AGO3: variants seen among roughly 807,000 people sequenced by gnomAD.
AGO3 encodes protein argonaute-3.
In AGO3, 16 loss-of-function variants were observed where a neutral mutation model predicts 105.5. The ratio of observed to expected loss-of-function variants is 0.15; its 90% CI spans 0.10 to 0.23. The LOEUF is 0.23. Ranked by LOEUF, AGO3 falls within the 10% of genes least tolerant of loss-of-function variation. The pLI, the probability that AGO3 is intolerant of heterozygous loss-of-function variation, is 1.00. For missense variants in AGO3, 534 were observed against 1,088.0 expected (o/e 0.49, Z 7.16); for synonymous variants, 340 against 367.3 (o/e 0.93, Z 0.85).
chr1:35,930,908 C>CCGGCA (rs1033451675), upstream of AGO3: 31 of 260,440 alleles, frequency 1.2e-4, no homozygotes, highest in African/African-American at 6.8e-4. Flanking sequence ...TTGTCTCCGG[C>CCGGCA]CGGCACGGCC....
chr1:35,978,499 A>G lies in AGO3; in HGVS notation c.658+4988A>G, dbSNP rs985293652. Among the ~76,000 whole-genome samples, 3 of 152,042 alleles carry G rather than the reference A, an allele frequency of 2.0e-5. 1 individual carries two copies. Among genetic ancestry groups the G allele is most frequent in the Middle Eastern group, 6.8e-3 (2 of 294 alleles). On this transcript the variant is annotated intron_variant, in intron 5 of 18. Transcript: ENST00000373191. ...GAGCCACCGCATCTGGCCTGAAAAC[A>G]ATTTTTTTTTTTATTAACGTTAAAC...
At chr1:36,019,198 C>T (rs1393285245) in intron 11 of AGO3, among the ~76,000 whole-genome samples, 1 of 152,112 alleles carries the variant, frequency 6.6e-6, no homozygotes, top group East Asian at 1.9e-4. Flanking sequence ...TACACTTTGG[C>T]ATAATACATT....
intron 17 of AGO3, among the ~76,000 whole-genome samples, chr1:36,051,680 A>G (rs1642721428): frequency 6.6e-6 from 1 of 152,174 alleles, no homozygotes; most frequent in Non-Finnish European, 1.5e-5. Context: ...GGGCAACAGA[A>G]CAAGACTCTG....
chr1:36,001,113 G>C (rs1640063590), intron 5 of AGO3, among the ~76,000 whole-genome samples: 1 of 152,114 alleles, frequency 6.6e-6, no homozygotes, highest in Non-Finnish European at 1.5e-5. Context: ...GCACGTGCCT[G>C]TAATTCCAGC....
At chr1:35,947,728 T>C (rs67641270) in intron 2 of AGO3, among the ~76,000 whole-genome samples, 36,041 of 152,074 alleles carry the variant, frequency 0.24, 7,050 homozygotes, top group East Asian at 0.7. Context: ...GTTTTGGTCT[T>C]CCTTCACTCT....
intron 11 of AGO3, 152 bp downstream of exon 11, chr1:36,014,200 C>T (rs372911735): frequency 9.5e-7 from 1 of 1,054,938 alleles, no homozygotes; most frequent in South Asian, 1.6e-5. Context: ...ACTCTGTCAC[C>T]CAGGCTGAAG....
At chr1:35,990,719 TA>T (rs1026854548) in intron 5 of AGO3, among the ~76,000 whole-genome samples, 1 of 152,184 alleles carries the variant, frequency 6.6e-6, no homozygotes, top group Non-Finnish European at 1.5e-5. Context: ...TTCTAGTAAA[TA>T]AAAAATTCTA....
intron 1 of AGO3, among the ~76,000 whole-genome samples, chr1:35,944,316 C>T (rs866097725): frequency 6.6e-6 from 1 of 151,830 alleles, no homozygotes; most frequent in African/African-American, 2.4e-5. Context: ...TCCTGAGTGT[C>T]TGGGATTACA....
At chr1:35,989,345 A>C (rs1346429898) in intron 5 of AGO3, among the ~76,000 whole-genome samples, 1 of 152,222 alleles carries the variant, frequency 6.6e-6, no homozygotes, top group Non-Finnish European at 1.5e-5. Flanking sequence ...TACCAATCTA[A>C]GACTCAAAAT....
intron 5 of AGO3, among the ~76,000 whole-genome samples, chr1:35,985,143 C>T (rs1454312610): frequency 1.3e-5 from 2 of 151,872 alleles, no homozygotes; most frequent in African/African-American, 2.4e-5. Context: ...ATTAGCCAGG[C>T]GTAGAGGTGT....
At chr1:35,958,632 A>T (rs185947797) in intron 2 of AGO3, among the ~76,000 whole-genome samples, 2 of 151,420 alleles carry the variant, frequency 1.3e-5, no homozygotes, top group Non-Finnish European at 2.9e-5. Flanking sequence ...CAGCCTGGGC[A>T]TCAGAGCCAG....
intron 5 of AGO3, among the ~76,000 whole-genome samples, chr1:36,002,261 A>G (rs907154534): frequency 6.6e-6 from 1 of 150,646 alleles, no homozygotes; most frequent in Non-Finnish European, 1.5e-5. Flanking sequence ...CAAGTGATCA[A>G]TGCACCTTGG....
rs1047493898 is a variant in AGO3, at chr1:36,049,207, G to A, written c.2274+5659G>A. Among the ~76,000 whole-genome samples the A allele has an allele frequency of 2.0e-5, 3 of 152,206 alleles. No homozygotes were observed. The East Asian group carries it at 5.8e-4, about 29-fold the overall frequency. Reference sequence around the variant, plus strand: ...ACACTGTGGACTACTAGAGAGGAGGGCAGGGGGGATGGGTTGAAAAATTCT... The same window carrying A: ...ACACTGTGGACTACTAGAGAGGAGGACAGGGGGGATGGGTTGAAAAATTCT... On this transcript the variant is annotated intron_variant, in intron 17 of 18. Coordinates refer to ENST00000373191, the MANE Select transcript of AGO3 (RefSeq NM_024852.4).
chr1:35,971,441 G>A (rs1324021529), intron 3 of AGO3, among the ~76,000 whole-genome samples: 1 of 151,414 alleles, frequency 6.6e-6, no homozygotes, highest in Non-Finnish European at 1.5e-5. Flanking sequence ...TTACATGCAT[G>A]AGCCACTGCG....
At chr1:35,968,434 A>G (rs1366452337) in intron 3 of AGO3, among the ~76,000 whole-genome samples, 1 of 152,090 alleles carries the variant, frequency 6.6e-6, no homozygotes, top group African/African-American at 2.4e-5. Flanking sequence ...AACAGTATCC[A>G]TTGCTCCCTC....
chr1:36,010,312 A>G (rs1640540427), intron 9 of AGO3, among the ~76,000 whole-genome samples: 1 of 152,028 alleles, frequency 6.6e-6, no homozygotes, highest in South Asian at 2.1e-4. Context: ...TACAGTCTGA[A>G]TAAAGAAATG....
At chr1:35,940,708 C>A (rs1646238327) in intron 1 of AGO3, among the ~76,000 whole-genome samples, 1 of 152,104 alleles carries the variant, frequency 6.6e-6, no homozygotes, top group African/African-American at 2.4e-5. Context: ...TAGCTAAACC[C>A]AATAGTTCCC....
chr1:35,985,074 T>C (rs1413279134), intron 5 of AGO3, among the ~76,000 whole-genome samples: 2 of 152,094 alleles, frequency 1.3e-5, no homozygotes, highest in Non-Finnish European at 1.5e-5. Flanking sequence ...GGAGGATTGC[T>C]TGAGCCTGGG....
chr1:35,966,261 T>C (rs1285261799), intron 2 of AGO3, among the ~76,000 whole-genome samples: 1 of 152,212 alleles, frequency 6.6e-6, no homozygotes, highest in Non-Finnish European at 1.5e-5. Context: ...TAACCACCAT[T>C]TGGAATATAT....
Sources: gnomAD v4.1 joint callset for allele counts (sites outside exome capture counted in the v4.1 genomes callset) on GRCh38, gnomAD v4.1.1 for gene constraint, MANE v1.5 for transcripts, NCBI Gene and HGNC (gene_info 2026-07-23, HGNC 2026-07-21) for gene names.